AUTS2: variants seen among roughly 807,000 people sequenced by gnomAD.
The protein encoded by AUTS2 is autism susceptibility gene 2 protein.
Under a neutral mutation model 112.4 loss-of-function variants are expected in AUTS2, and 17 were observed. That is an observed-to-expected ratio of 0.15 (90% CI 0.10 to 0.23). The LOEUF is 0.23. Among genes scored for constraint, AUTS2 ranks in the 10% least tolerant of loss-of-function variants. AUTS2 has a pLI of 1.00. For missense variants in AUTS2, 1,510 were observed against 1,701.6 expected (o/e 0.89, Z 1.98); for synonymous variants, 751 against 702.7 (o/e 1.07, Z -1.09).
At chr7:70,091,899 G>C (rs369215661) in intron 2 of AUTS2, among the ~76,000 whole-genome samples, 3 of 152,148 alleles carry the variant, frequency 2.0e-5, no homozygotes, top group Non-Finnish European at 4.4e-5. Flanking sequence ...GTAATTTGCT[G>C]TGGTGACATA....
At chr7:70,573,772 C>CTT (rs747441710) in intron 5 of AUTS2, among the ~76,000 whole-genome samples, 12 of 140,300 alleles carry the variant, frequency 8.6e-5, no homozygotes, top group African/African-American at 2.9e-4. Context: ...GAGCAAAAAG[C>CTT]TTTTTTTTTT....
intron 4 of AUTS2, among the ~76,000 whole-genome samples, chr7:70,223,526 C>G (rs941521761): frequency 6.6e-6 from 1 of 152,168 alleles, no homozygotes; most frequent in Non-Finnish European, 1.5e-5. Flanking sequence ...TATAAAAGTA[C>G]AGCATATACA....
chr7:69,867,247 C>CTTGA (rs1793277986), intron 1 of AUTS2, among the ~76,000 whole-genome samples: 4 of 152,086 alleles, frequency 2.6e-5, no homozygotes, highest in Non-Finnish European at 5.9e-5. Context: ...GCAGATAGGC[C>CTTGA]TTGAGGACTT....
At chr7:69,912,793 C>G (rs1263196066) in intron 2 of AUTS2, among the ~76,000 whole-genome samples, 1 of 152,226 alleles carries the variant, frequency 6.6e-6, no homozygotes, top group Non-Finnish European at 1.5e-5. Flanking sequence ...CATGGGACAT[C>G]ACTTAGATCT....
intron 2 of AUTS2, among the ~76,000 whole-genome samples, chr7:70,073,988 A>T (rs1479210564): frequency 6.6e-6 from 1 of 152,192 alleles, no homozygotes; most frequent in Non-Finnish European, 1.5e-5. Flanking sequence ...AATAATTTAC[A>T]CCTAATTAGA....
chr7:70,272,242 A>G (rs1053873850), intron 4 of AUTS2, among the ~76,000 whole-genome samples: 1 of 152,184 alleles, frequency 6.6e-6, no homozygotes, highest in East Asian at 1.9e-4. Flanking sequence ...AATTAAAAAA[A>G]AAAAAAGATA....
At chr7:69,760,915 C>T (rs1006819791) in intron 1 of AUTS2, among the ~76,000 whole-genome samples, 4 of 152,160 alleles carry the variant, frequency 2.6e-5, no homozygotes, top group African/African-American at 9.7e-5. Context: ...TCACAAAACT[C>T]AATTTACGAA....
intron 5 of AUTS2, among the ~76,000 whole-genome samples, chr7:70,625,547 TGTG>T (rs1437590290): frequency 6.6e-6 from 1 of 152,234 alleles, no homozygotes; most frequent in African/African-American, 2.4e-5. Context: ...TCACCTAAAA[TGTG>T]ATAAGCTCCT....
chr7:70,789,322 A>T (rs1297447521), intron 18 of AUTS2, among the ~76,000 whole-genome samples: 1 of 152,174 alleles, frequency 6.6e-6, no homozygotes, highest in Non-Finnish European at 1.5e-5. Flanking sequence ...AAGAAAAGTG[A>T]TACTGGGCGT....
chr7:70,708,864 C>T (rs917394465), intron 6 of AUTS2, among the ~76,000 whole-genome samples: 2 of 151,504 alleles, frequency 1.3e-5, no homozygotes, highest in Non-Finnish European at 2.9e-5. Flanking sequence ...CATCACCTAT[C>T]AATACAGTCC....
At chr7:69,612,258 C>A (rs927523254) in intron 1 of AUTS2, among the ~76,000 whole-genome samples, 1 of 151,984 alleles carries the variant, frequency 6.6e-6, no homozygotes, top group Non-Finnish European at 1.5e-5. Flanking sequence ...GATCTTGGGG[C>A]CCACCTGAAG....
intron 4 of AUTS2, among the ~76,000 whole-genome samples, chr7:70,295,841 A>G (rs974139966): frequency 6.6e-6 from 1 of 152,208 alleles, no homozygotes; most frequent in African/African-American, 2.4e-5. Context: ...TGTGACCAAG[A>G]GAGTTCATAG....
chr7:69,896,971 C>T (rs1273314248), intron 1 of AUTS2, among the ~76,000 whole-genome samples: 1 of 152,160 alleles, frequency 6.6e-6, no homozygotes, highest in Non-Finnish European at 1.5e-5. Context: ...ACTCAGTTTG[C>T]AATGATATAT....
At chr7:69,899,231 G>C in intron 1 of AUTS2, 55 bp from the exon 2 acceptor site, 4 of 1,355,126 alleles carry the variant, frequency 3.0e-6, no homozygotes, top group Non-Finnish European at 4.2e-6. Flanking sequence ...TTTTGGGTGT[G>C]ACCCTAGATA....
intron 2 of AUTS2, among the ~76,000 whole-genome samples, chr7:70,023,857 A>G (rs1800394859): frequency 6.6e-6 from 1 of 152,208 alleles, no homozygotes; most frequent in African/African-American, 2.4e-5. Flanking sequence ...AAAGAAAAAA[A>G]ATGTAAACCA....
intron 1 of AUTS2, among the ~76,000 whole-genome samples, chr7:69,890,729 T>G (rs1794483629): frequency 6.6e-6 from 1 of 151,602 alleles, no homozygotes; most frequent in South Asian, 2.1e-4. Flanking sequence ...ACCTTGTCAC[T>G]GAAAATGAGG....
chr7:69,634,190 G>T (rs1032517314), intron 1 of AUTS2, among the ~76,000 whole-genome samples: 1 of 151,476 alleles, frequency 6.6e-6, no homozygotes, highest in Non-Finnish European at 1.5e-5. Flanking sequence ...CGCAATCTCG[G>T]CTCACTGCAA....
chr7:70,497,317 C>G (rs1798596391), intron 5 of AUTS2, among the ~76,000 whole-genome samples: 1 of 151,934 alleles, frequency 6.6e-6, no homozygotes, highest in Non-Finnish European at 1.5e-5. Context: ...GATCACACAC[C>G]CCACTCACAC....
chr7:70,044,444 T>C (rs1801409825), intron 2 of AUTS2, among the ~76,000 whole-genome samples: 1 of 152,184 alleles, frequency 6.6e-6, no homozygotes, highest in African/African-American at 2.4e-5. Flanking sequence ...TTTTTTGGGA[T>C]GGCCTGGGGA....
Sources: gnomAD v4.1 joint callset for allele counts (sites outside exome capture counted in the v4.1 genomes callset) on GRCh38, gnomAD v4.1.1 for gene constraint, MANE v1.5 for transcripts, NCBI Gene and HGNC (gene_info 2026-07-23, HGNC 2026-07-21) for gene names.